Variants in DPH6 observed in about 807,000 individuals in gnomAD.
DPH6 encodes diphthine--ammonia ligase.
In DPH6, 33 loss-of-function variants were observed where a neutral mutation model predicts 38.2. That is an observed-to-expected ratio of 0.86 (90% CI 0.65 to 1.15). The LOEUF is 1.15. Ranked by LOEUF, DPH6 falls within the 50% of genes most tolerant of loss-of-function variation. The pLI is 0.00. For synonymous variants in DPH6, 108 were observed against 103.0 expected (o/e 1.05, Z -0.30); for missense variants, 325 against 320.0 (o/e 1.02, Z -0.12).
intron 5 of DPH6, among the ~76,000 whole-genome samples, chr15:35,412,943 T>G (rs2053386370): frequency 6.6e-6 from 1 of 151,684 alleles, no homozygotes; most frequent in Non-Finnish European, 1.5e-5. Context: ...GCCTGTAGAA[T>G]GTACATCACC....
chr15:35,470,064 G>A lies in DPH6; in HGVS notation c.313-15244C>T, dbSNP rs1029026286. On this transcript the variant is annotated intron_variant, in intron 3 of 8. Transcript: ENST00000256538. Reference sequence around the variant, plus strand: ...AATACAAAAATTAGCCGGGCATGGTGGTGTGTGCCTGTAATCCCCGCTACT... The same window carrying A: ...AATACAAAAATTAGCCGGGCATGGTAGTGTGTGCCTGTAATCCCCGCTACT... Among the ~76,000 whole-genome samples, 4 of 152,204 alleles carry A rather than the reference G, an allele frequency of 2.6e-5. No homozygotes were observed. The East Asian group carries it at 5.8e-4, about 22-fold the overall frequency.
At chr15:35,246,043 C>T (rs2051635744) in intron 3 of DPH6, among the ~76,000 whole-genome samples, 1 of 152,182 alleles carries the variant, frequency 6.6e-6, no homozygotes, top group African/African-American at 2.4e-5. Context: ...AGCTCCCCCA[C>T]TGAGCACCTT....
chr15:35,230,378 G>T (rs755041293), intron 3 of DPH6, among the ~76,000 whole-genome samples: 1 of 152,176 alleles, frequency 6.6e-6, no homozygotes, highest in South Asian at 2.1e-4. Flanking sequence ...CAGTTAGCTT[G>T]TGGTGAATGC....
intron 3 of DPH6, among the ~76,000 whole-genome samples, chr15:35,339,021 G>C (rs1436225804): frequency 6.6e-6 from 1 of 151,974 alleles, no homozygotes; most frequent in East Asian, 1.9e-4. Flanking sequence ...ATCACACACT[G>C]GGGCCTGTTG....
intron 5 of DPH6, among the ~76,000 whole-genome samples, chr15:35,416,144 G>GA (rs920838933): frequency 3.3e-5 from 5 of 151,906 alleles, no homozygotes; most frequent in East Asian, 1.9e-4. Flanking sequence ...TGATTAGCTG[G>GA]AAAAAAATCA....
At chr15:35,471,690 C>G (rs1007592655) in intron 3 of DPH6, among the ~76,000 whole-genome samples, 1 of 152,210 alleles carries the variant, frequency 6.6e-6, no homozygotes, top group African/African-American at 2.4e-5. Flanking sequence ...CAACCAATTT[C>G]CACCTACTGT....
intron 6 of DPH6, among the ~76,000 whole-genome samples, chr15:35,395,851 A>T (rs139916442): frequency 6.6e-6 from 1 of 152,342 alleles, no homozygotes; most frequent in East Asian, 1.9e-4. Flanking sequence ...TTAGCATAGA[A>T]CTGGACACAG....
rs149333167 is a variant in DPH6, at chr15:35,305,160, C to T, written n.200+68361G>A. ...TCTGTTGAGTAAGTAAACTTGTTGT[C>T]TCAAGTCAGGTAGTACGCTGTTGGT... is the stretch of plus-strand genomic sequence containing the variant. On this transcript the variant is annotated intron_variant and non_coding_transcript_variant, in intron 3 of 3. Transcript: ENST00000560386. Among the ~76,000 whole-genome samples the T allele has an allele frequency of 8.2e-3, 1,253 of 152,198 alleles. 19 individuals carry two copies. Among genetic ancestry groups the T allele is most frequent in the African/African-American group, 0.029 (1,189 of 41,536 alleles).
At chr15:35,150,234 G>C in the DPH6 span, among the ~76,000 whole-genome samples, 12 of 152,234 alleles carry the variant, frequency 7.9e-5, no homozygotes, top group South Asian at 2.5e-3. Context: ...TTACTCTTTC[G>C]GAGGTGACAG....
chr15:35,262,984 TAA>T (rs2051759252), intron 3 of DPH6, among the ~76,000 whole-genome samples: 1 of 152,170 alleles, frequency 6.6e-6, no homozygotes, highest in South Asian at 2.1e-4. Flanking sequence ...ATAAAATATT[TAA>T]GTCTGAAGGA....
At chr15:35,476,456 A>G (rs552120726) in intron 3 of DPH6, among the ~76,000 whole-genome samples, 1 of 152,020 alleles carries the variant, frequency 6.6e-6, no homozygotes, top group Non-Finnish European at 1.5e-5. Context: ...ATCACTATAA[A>G]TAAAAGCTAG....
intron 3 of DPH6, among the ~76,000 whole-genome samples, chr15:35,232,132 C>T (rs953496971): frequency 6.6e-5 from 10 of 152,010 alleles, no homozygotes; most frequent in East Asian, 1.9e-4. Context: ...TGCTGTTATT[C>T]GTAATGACAA....
downstream of DPH6, chr15:35,217,204 T>C (rs1300435237): frequency 6.6e-6 from 1 of 152,180 alleles, no homozygotes; most frequent in East Asian, 1.9e-4. Flanking sequence ...TGCTTTATGA[T>C]GAGAAAAATC....
chr15:35,176,107 A>G, the DPH6 span, among the ~76,000 whole-genome samples: 1 of 152,312 alleles, frequency 6.6e-6, no homozygotes, highest in Admixed American at 6.5e-5. Context: ...CAAATGATGA[A>G]CATTGTGTGT....
chr15:35,522,496 A>G (rs1214779962), intron 3 of DPH6, among the ~76,000 whole-genome samples: 1 of 152,120 alleles, frequency 6.6e-6, no homozygotes, highest in Non-Finnish European at 1.5e-5. Context: ...TCACAGCAAA[A>G]AAATTAAGTA....
At chr15:35,520,927 A>G (rs1595439390) in intron 3 of DPH6, 2 of 985,134 alleles carry the variant, frequency 2.0e-6, no homozygotes, top group African/African-American at 1.7e-5. Flanking sequence ...AAAATTCCAG[A>G]GAGATTAGCA....
At chr15:35,179,204 C>CAAAAA in the DPH6 span, among the ~76,000 whole-genome samples, 4 of 50,592 alleles carry the variant, frequency 7.9e-5, no homozygotes, top group Admixed American at 1.8e-4. Context: ...ACAACTCTGT[C>CAAAAA]AAAAAAAAAA....
Position 35,309,005 on chromosome 15 carries a change from T to A in DPH6, n.200+64516A>T, listed in dbSNP as rs140485497. Among the ~76,000 whole-genome samples, 20 of 152,340 alleles carry A rather than the reference T, an allele frequency of 1.3e-4. No homozygotes were observed. The East Asian group carries it at 3.9e-3, about 29-fold the overall frequency. On this transcript the variant is annotated intron_variant and non_coding_transcript_variant, in intron 3 of 3. Coordinates refer to the DPH6 transcript ENST00000560386. ...ATGCTAAGCATTCCAGCTGCACTTG[T>A]AAACTTTTTATGAACTGAAGTCATA... is the stretch of plus-strand genomic sequence containing the variant.
At chr15:35,496,555 C>CAAAAAAAAAAAAAAAAAAAAAA (rs1180094812) in intron 3 of DPH6, among the ~76,000 whole-genome samples, 1 of 49,260 alleles carries the variant, frequency 2.0e-5, no homozygotes. Context: ...AGTTCCATCT[C>CAAAAAAAAAAAAAAAAAAAAAA]AAAAAAAAAA....
Sources: allele counts gnomAD v4.1 joint callset (sites outside exome capture counted in the v4.1 genomes callset), GRCh38; gene constraint gnomAD v4.1.1; transcripts MANE v1.5; gene names NCBI Gene and HGNC (gene_info 2026-07-23, HGNC 2026-07-21).